UBE2T: variants seen among roughly 807,000 people sequenced by gnomAD.
UBE2T encodes ubiquitin conjugating enzyme E2 T, also known as ubiquitin-conjugating enzyme E2 T.
Under a neutral mutation model 23.3 loss-of-function variants are expected in UBE2T, and 15 were observed. The ratio of observed to expected loss-of-function variants is 0.64; its 90% CI spans 0.43 to 0.99. UBE2T has a LOEUF of 0.99. Among genes scored for constraint, UBE2T ranks in the 50% least tolerant of loss-of-function variants. UBE2T has a pLI of 0.00. For missense variants in UBE2T, 197 were observed against 234.9 expected (o/e 0.84, Z 1.05); for synonymous variants, 67 against 78.4 (o/e 0.85, Z 0.77).
rs1654802772 is a variant in UBE2T, at chr1:202,333,111, A to G, written c.385-18T>C. 6.2e-7 allele frequency: 1 copy of G among 1,610,786 alleles called. No homozygotes were observed. Among genetic ancestry groups the G allele is most frequent in the African/African-American group, 1.3e-5 (1 of 74,798 alleles). On this transcript the variant is annotated intron_variant, in intron 5 of 6. Transcript: ENST00000646651. Reference sequence around the variant, plus strand: ...TCTGAGGACTGAGATGAAATCAAAGAAAAGAGTTAATGGAGAAAAACATGA... The same window carrying G: ...TCTGAGGACTGAGATGAAATCAAAGGAAAGAGTTAATGGAGAAAAACATGA...
At chr1:202,332,833 G>A (rs938090658) in intron 6 of UBE2T, among the ~76,000 whole-genome samples, 177 bp downstream of exon 6, 3 of 125,020 alleles carry the variant, frequency 2.4e-5, no homozygotes, top group Non-Finnish European at 3.2e-5. Context: ...GCGTGAACCC[G>A]GGAGGCGGAG....
chr1:202,333,341 T>A lies in UBE2T; in HGVS notation c.286-6A>T. 1.9e-6 allele frequency: 3 copies of A among 1,614,164 alleles called. No homozygotes were observed. Among genetic ancestry groups the A allele is most frequent in the Non-Finnish European group, 1.7e-6 (2 of 1,180,004 alleles). Reference sequence around the variant, plus strand: ...AGGGATGGTCTCCAAGCACCCTATATACAAACAGATGAACAGTTGCTTTTA... The same window carrying A: ...AGGGATGGTCTCCAAGCACCCTATAAACAAACAGATGAACAGTTGCTTTTA... On this transcript the variant is annotated splice_polypyrimidine_tract_variant and splice_region_variant and intron_variant, in intron 4 of 6. Coordinates refer to ENST00000646651, the MANE Select transcript of UBE2T (RefSeq NM_014176.4).
At chr1:202,338,873 A>G (rs1233536962) in intron 1 of UBE2T, among the ~76,000 whole-genome samples, 1 of 151,524 alleles carries the variant, frequency 6.6e-6, no homozygotes, top group East Asian at 1.9e-4. Context: ...GACCCTGTCT[A>G]AACAACAGCC....
At chr1:202,333,135 G>A in intron 5 of UBE2T, 42 bp from the exon 6 acceptor site, 1 of 1,604,398 alleles carries the variant, frequency 6.2e-7, no homozygotes, top group South Asian at 1.1e-5. Flanking sequence ...AGAAAAACAT[G>A]ATTTGCAGTG....
In UBE2T at chr1:202,331,760, A is replaced by G. The variant is rs1411409190; in HGVS notation, c.*75T>C. On this transcript the variant is annotated 3_prime_UTR_variant, in exon 7 of 7. Transcript: ENST00000646651. ...AAATTATGTCATCAAATATATTTAA[A>G]AAAAAATTCAAGGTAGGCAACTTAG... 13 of 1,562,398 alleles carry G rather than the reference A, an allele frequency of 8.3e-6. No individual in the cohort carries two copies. The highest frequency in any genetic ancestry group is 1.0e-5 in the Non-Finnish European group (12 of 1,151,348).
At chr1:202,340,210 AAAAAC>A (rs895845267) in intron 1 of UBE2T, among the ~76,000 whole-genome samples, 8 of 149,120 alleles carry the variant, frequency 5.4e-5, no homozygotes, top group African/African-American at 7.5e-5. Flanking sequence ...ACTCTGTCTC[AAAAAC>A]AAAACAAAAC....
intron 1 of UBE2T, among the ~76,000 whole-genome samples, chr1:202,337,692 T>C (rs571161153): frequency 6.6e-6 from 1 of 152,340 alleles, no homozygotes; most frequent in East Asian, 1.9e-4. Flanking sequence ...AATACTCCAC[T>C]GTTTGAATTA....
Position 202,335,180 on chromosome 1 carries a change from C to T in UBE2T, c.110-122G>A, listed in dbSNP as rs2148340487. On this transcript the variant is annotated intron_variant, in intron 2 of 6. Coordinates refer to ENST00000646651, the MANE Select transcript of UBE2T (RefSeq NM_014176.4). The surrounding 1 kb of genome is among the most constrained non-coding windows in gnomAD (Gnocchi z 4.0). ...CTAGGCCTAGGACAATAATTCTCTG[C>T]CAGGACTTTAACAAGTCCTCATGCA... is the stretch of plus-strand genomic sequence containing the variant. 1 of 779,736 alleles carries T rather than the reference C, an allele frequency of 1.3e-6. No homozygotes were observed. The highest frequency in any genetic ancestry group is 2.0e-6 in the Non-Finnish European group (1 of 491,960). The allele number at this position is 779,736 out of a possible 1,614,324, so 48.3% of individuals were successfully genotyped here. A position where few individuals can be genotyped will look rare whatever the true frequency, so the allele number is the denominator to read the frequency against.
rs1034241281 is a variant in UBE2T at position 202,333,308 on chromosome 1, C to T, written c.313G>A (p.Ala105Thr). 5.0e-6 allele frequency: 8 copies of T among 1,613,978 alleles called. No individual in the cohort carries two copies. The highest frequency in any genetic ancestry group is 1.1e-5 in the South Asian group (1 of 91,086). Residue 105 changes from alanine to threonine, a missense_variant, in exon 5 of 7, where the codon GCA becomes ACA. Transcript: ENST00000646651. The part of the protein sequence containing the change: ...KGAWRPSLNI[A>T]TVLTSIQLLM... The stretch of plus-strand genomic sequence containing the variant: ...AGCTGAATAGAGGTCAACACAGTTG[C>T]GATGTTGAGGGATGGTCTCCAAGCA...
Position 202,335,021 on chromosome 1 carries a change from A to T in UBE2T, c.147T>A (p.Gly49=), listed in dbSNP as rs761096904. The change falls in exon 3 of 7, where the codon GGT becomes GGA. Residue 49 remains glycine (G), a synonymous_variant. Coordinates refer to ENST00000646651, the MANE Select transcript of UBE2T (RefSeq NM_014176.4). The surrounding 1 kb of genome is among the most constrained non-coding windows in gnomAD (Gnocchi z 4.0). ...LGGANTPYEK[G]VFKLEVIIPE... ...GAATGATAACTTCTAGCTTAAAAAC[A>T]CCTTTCTCATAAGGTGTGTTGGCTC... The T allele has an allele frequency of 5.0e-6, 8 of 1,612,720 alleles. No homozygotes were observed. Among genetic ancestry groups the T allele is most frequent in the Middle Eastern group, 3.3e-4 (2 of 6,060 alleles).
chr1:202,341,172 C>T (rs1654992307), intron 1 of UBE2T, among the ~76,000 whole-genome samples: 1 of 152,224 alleles, frequency 6.6e-6, no homozygotes, highest in South Asian at 2.1e-4. Flanking sequence ...ACAGTTTCTT[C>T]TCCTTAGGAG....
Position 202,331,775 on chromosome 1 carries a change from A to G in UBE2T, c.*60T>C, listed in dbSNP as rs1654750349. On this transcript the variant is annotated 3_prime_UTR_variant, in exon 7 of 7. Transcript: ENST00000646651. Reference sequence around the variant, plus strand: ...ATATATTTAAAAAAAAATTCAAGGTAGGCAACTTAGATCACCTTGGCAAAG... The same window carrying G: ...ATATATTTAAAAAAAAATTCAAGGTGGGCAACTTAGATCACCTTGGCAAAG... 2.5e-6 allele frequency: 4 copies of G among 1,590,732 alleles called. No individual in the cohort carries two copies. Among genetic ancestry groups the G allele is most frequent in the African/African-American group, 1.4e-5 (1 of 73,736 alleles).
At chr1:202,338,719 A>G (rs1172880610) in intron 1 of UBE2T, among the ~76,000 whole-genome samples, 1 of 152,054 alleles carries the variant, frequency 6.6e-6, no homozygotes, top group Non-Finnish European at 1.5e-5. Flanking sequence ...GAAAAAGCTG[A>G]TAGCTGGGCC....
chr1:202,341,650 T>A (rs1655009476), intron 1 of UBE2T, among the ~76,000 whole-genome samples: 1 of 149,320 alleles, frequency 6.7e-6, no homozygotes, highest in East Asian at 2.0e-4. Flanking sequence ...GGCTGTTATG[T>A]CCCTTCTAGT....
chr1:202,332,691 G>A (rs1038472477), intron 6 of UBE2T, among the ~76,000 whole-genome samples: 2 of 151,250 alleles, frequency 1.3e-5, no homozygotes, highest in Admixed American at 6.6e-5. Flanking sequence ...GGCGGATCAC[G>A]AGGTCAGGAG....
In UBE2T at chr1:202,331,757, T is replaced by C; in HGVS notation, c.*78A>G. On this transcript the variant is annotated 3_prime_UTR_variant, in exon 7 of 7. Transcript: ENST00000646651. ...CAAAAATTATGTCATCAAATATATT[T>C]AAAAAAAAATTCAAGGTAGGCAACT... 6.5e-7 allele frequency: 1 copy of C among 1,527,434 alleles called. No individual in the cohort carries two copies. Among genetic ancestry groups the C allele is most frequent in the Non-Finnish European group, 8.9e-7 (1 of 1,122,498 alleles). The allele number at this position is 1,527,434 out of a possible 1,614,324, so 94.6% of individuals were successfully genotyped here.
chr1:202,335,903 G>T lies in UBE2T; in HGVS notation c.-64-85C>A. ...CAAACAGCTTCAATGTAGTGAGGGT[G>T]GGGGACAGAGTCCTCTTTTTTGTTT... On this transcript the variant is annotated intron_variant, in intron 1 of 6. Coordinates refer to ENST00000646651, the MANE Select transcript of UBE2T (RefSeq NM_014176.4). The surrounding 1 kb of genome is among the most constrained non-coding windows in gnomAD (Gnocchi z 4.0). 1.6e-6 allele frequency: 1 copy of T among 632,796 alleles called. No individual in the cohort carries two copies. Among genetic ancestry groups the T allele is most frequent in the Non-Finnish European group, 2.7e-6 (1 of 367,362 alleles). 39.2% of individuals were successfully genotyped at this position (632,796 alleles called of 1,614,324 possible).
At position 202,335,073 on chromosome 1, in the gene UBE2T, G is replaced by T. The variant is rs1351110498; in HGVS notation, c.110-15C>A. 6.3e-7 allele frequency: 1 copy of T among 1,595,152 alleles called. No individual in the cohort carries two copies. Among genetic ancestry groups the T allele is most frequent in the Admixed American group, 1.7e-5 (1 of 58,126 alleles). The stretch of plus-strand genomic sequence containing the variant: ...ACCTAATATTTCTTAAAAGAAAAAA[G>T]AAAGAAAAAGTTAAAAGGGAATCAG... On this transcript the variant is annotated splice_polypyrimidine_tract_variant and intron_variant, in intron 2 of 6. Transcript: ENST00000646651. The surrounding 1 kb of genome is among the most constrained non-coding windows in gnomAD (Gnocchi z 4.0).
In UBE2T at chr1:202,331,808, T is replaced by C. The variant is rs199989911; in HGVS notation, c.*27A>G. On this transcript the variant is annotated 3_prime_UTR_variant, in exon 7 of 7. Coordinates refer to ENST00000646651, the MANE Select transcript of UBE2T (RefSeq NM_014176.4). The stretch of plus-strand genomic sequence containing the variant: ...TAGATCACCTTGGCAAAGAACACAT[T>C]AACTAAGATGAACCAGGACAAGTCC... The C allele has an allele frequency of 3.1e-5, 50 of 1,613,510 alleles. No individual in the cohort carries two copies. In the East Asian group the frequency reaches 1.1e-3, roughly 36 times the overall value.
Sources: allele counts gnomAD v4.1 joint callset (sites outside exome capture counted in the v4.1 genomes callset), GRCh38; gene constraint gnomAD v4.1.1; non-coding constraint Gnocchi (gnomAD v3.1); transcripts MANE v1.5; gene names NCBI Gene and HGNC (gene_info 2026-07-23, HGNC 2026-07-21).